The following CCSER1 variants were observed in gnomAD, a reference collection of about 807,000 sequenced individuals.
CCSER1 encodes the protein serine-rich coiled-coil domain-containing protein 1.
CCSER1 carries 41 observed loss-of-function variants against 82.0 expected under a neutral mutation model. The observed-to-expected ratio is 0.50, with a 90% CI of 0.39 to 0.65. The LOEUF (loss-of-function observed/expected upper bound fraction) is 0.65. CCSER1 is among the 30% of genes least tolerant of loss of function. The probability of loss-of-function intolerance (pLI) is 0.00; values close to 1 mark genes in which losing one functional copy is unlikely to be tolerated. For missense variants in CCSER1, 1,119 were observed against 1,064.2 expected (o/e 1.05, Z -0.72); for synonymous variants, 414 against 383.9 (o/e 1.08, Z -0.92).
intron 1 of CCSER1, among the ~76,000 whole-genome samples, chr4:90,196,689 A>ACACACACACAC (rs1736692650): frequency 1.9e-4 from 28 of 147,600 alleles, no homozygotes; most frequent in South Asian, 4.3e-4. Context: ...ACACACACAC[A>ACACACACACAC]ATCTTAGCTC....
chr4:91,502,075 C>T (rs1293861081), intron 10 of CCSER1, among the ~76,000 whole-genome samples: 2 of 152,174 alleles, frequency 1.3e-5, no homozygotes, highest in African/African-American at 4.8e-5. Flanking sequence ...AAGTTAGGCT[C>T]CTGTCCTCCC....
intron 6 of CCSER1, among the ~76,000 whole-genome samples, chr4:90,690,733 T>G (rs1735667606): frequency 6.6e-6 from 1 of 152,044 alleles, no homozygotes; most frequent in Non-Finnish European, 1.5e-5. Context: ...CCTTATTGCC[T>G]CCTTAATTTT....
chr4:91,001,814 A>G (rs1208096095), intron 9 of CCSER1, among the ~76,000 whole-genome samples: 1 of 152,000 alleles, frequency 6.6e-6, no homozygotes, highest in Non-Finnish European at 1.5e-5. Flanking sequence ...TTGCCTGTAT[A>G]CCTTTTTTTC....
At position 90,442,569 on chromosome 4, in the gene CCSER1, T is replaced by C. The variant is rs938490149; in HGVS notation, c.1604-25665T>C. Reference sequence around the variant, plus strand: ...GTGTTTTGGAGAAAATTGAGTTAAATTGGAGAACTTGATTAGGTTGTGGGA... The same window carrying C: ...GTGTTTTGGAGAAAATTGAGTTAAACTGGAGAACTTGATTAGGTTGTGGGA... On this transcript the variant is annotated intron_variant, in intron 4 of 10. Transcript: ENST00000509176. Among the ~76,000 whole-genome samples, 12 of 152,150 alleles carry C rather than the reference T, an allele frequency of 7.9e-5. No individual in the cohort carries two copies. The South Asian group carries it at 1.0e-3, about 13-fold the overall frequency.
chr4:91,134,016 T>C (rs1206232557), intron 10 of CCSER1, among the ~76,000 whole-genome samples: 1 of 152,162 alleles, frequency 6.6e-6, no homozygotes, highest in Admixed American at 6.5e-5. Flanking sequence ...GAAGAATTGC[T>C]TGAACCCGGG....
At chr4:90,705,415 G>A (rs1470893910) in intron 6 of CCSER1, among the ~76,000 whole-genome samples, 2 of 152,192 alleles carry the variant, frequency 1.3e-5, no homozygotes, top group Non-Finnish European at 2.9e-5. Context: ...GGCTATTCGG[G>A]GGTCAGGGAC....
At chr4:91,375,645 C>T (rs1474952328) in intron 10 of CCSER1, among the ~76,000 whole-genome samples, 1 of 151,858 alleles carries the variant, frequency 6.6e-6, no homozygotes, top group Non-Finnish European at 1.5e-5. Flanking sequence ...ATTTTTCTCA[C>T]TTCAATGATA....
intron 1 of CCSER1, among the ~76,000 whole-genome samples, chr4:90,284,822 T>G (rs1340376752): frequency 1.3e-5 from 2 of 151,940 alleles, no homozygotes; most frequent in Admixed American, 6.6e-5. Flanking sequence ...TGGAGAGAGA[T>G]ATGGGTCTAG....
At chr4:90,960,130 G>A (rs1018935824) in intron 9 of CCSER1, among the ~76,000 whole-genome samples, 14 of 151,972 alleles carry the variant, frequency 9.2e-5, no homozygotes, top group African/African-American at 2.9e-4. Context: ...ACCTGAAATC[G>A]TCTTTCACAG....
In CCSER1 at chr4:91,179,448, A is replaced by G. The variant is rs1733765880; in HGVS notation, c.2217+93454A>G. Among the ~76,000 whole-genome samples the G allele has an allele frequency of 2.0e-5, 3 of 152,168 alleles. No individual in the cohort carries two copies. The South Asian group carries it at 6.2e-4, about 32-fold the overall frequency. On this transcript the variant is annotated intron_variant, in intron 10 of 10. Transcript: ENST00000509176. Reference sequence around the variant, plus strand: ...CCACTTTCAGGTACACCAGTCAGACATAAGTTTGGTCTTTTCACATAGTCC... The same window carrying G: ...CCACTTTCAGGTACACCAGTCAGACGTAAGTTTGGTCTTTTCACATAGTCC...
intron 9 of CCSER1, among the ~76,000 whole-genome samples, chr4:91,081,413 CA>C (rs898326288): frequency 3.3e-4 from 50 of 152,212 alleles, no homozygotes; most frequent in African/African-American, 1.1e-3. Context: ...GGACATATCT[CA>C]AAATAATAAG....
At chr4:91,502,147 C>T (rs867269137) in intron 10 of CCSER1, among the ~76,000 whole-genome samples, 3 of 152,186 alleles carry the variant, frequency 2.0e-5, no homozygotes, top group Middle Eastern at 3.4e-3. Flanking sequence ...GAGAGGACTG[C>T]CAGGGCTTTG....
At chr4:90,446,005 A>G (rs1760595254) in intron 4 of CCSER1, among the ~76,000 whole-genome samples, 1 of 152,170 alleles carries the variant, frequency 6.6e-6, no homozygotes, top group Admixed American at 6.6e-5. Context: ...ATTGCTCTGA[A>G]TATCTTGGCC....
At chr4:91,467,131 C>G (rs907458021) in intron 10 of CCSER1, among the ~76,000 whole-genome samples, 3 of 152,148 alleles carry the variant, frequency 2.0e-5, no homozygotes, top group South Asian at 2.1e-4. Flanking sequence ...GTGACCAAAA[C>G]AGCATGGTAC....
intron 8 of CCSER1, among the ~76,000 whole-genome samples, chr4:90,894,541 A>T (rs556121788): frequency 1.2e-4 from 18 of 151,994 alleles, no homozygotes; most frequent in African/African-American, 4.3e-4. Context: ...AACATTGACT[A>T]TATAGTCTAT....
At chr4:90,917,592 A>G (rs541993161) in intron 8 of CCSER1, among the ~76,000 whole-genome samples, 8 of 152,218 alleles carry the variant, frequency 5.3e-5, no homozygotes, top group Admixed American at 1.3e-4. Context: ...CAGCACACCA[A>G]CGTGGCACAT....
intron 8 of CCSER1, among the ~76,000 whole-genome samples, chr4:90,897,237 A>G (rs1054214461): frequency 6.6e-6 from 1 of 151,966 alleles, no homozygotes; most frequent in Non-Finnish European, 1.5e-5. Context: ...TCACCCAAAT[A>G]GTGAAGAGAG....
intron 10 of CCSER1, among the ~76,000 whole-genome samples, chr4:91,472,774 C>A (rs1263740098): frequency 1.3e-5 from 2 of 152,116 alleles, no homozygotes; most frequent in Non-Finnish European, 2.9e-5. Flanking sequence ...TACCTTATGA[C>A]AAGCCTTAAC....
chr4:90,912,841 G>A (rs770261433), intron 8 of CCSER1, among the ~76,000 whole-genome samples: 7 of 152,194 alleles, frequency 4.6e-5, no homozygotes, highest in Non-Finnish European at 7.3e-5. Context: ...CGTGACGAAT[G>A]CCCAAGCTTC....
Sources: allele counts gnomAD v4.1 joint callset (sites outside exome capture counted in the v4.1 genomes callset), GRCh38; gene constraint gnomAD v4.1.1; transcripts MANE v1.5; gene names NCBI Gene and HGNC (gene_info 2026-07-23, HGNC 2026-07-21).